HYLS1: variants seen among roughly 807,000 people sequenced by gnomAD.
HYLS1 encodes centriolar and ciliogenesis-associated protein HYLS1.
Under a neutral mutation model 29.4 loss-of-function variants are expected in HYLS1, and 25 were observed. The observed-to-expected ratio is 0.85, with a 90% CI of 0.62 to 1.19. The LOEUF is 1.19. Ranked by LOEUF, HYLS1 falls within the 50% of genes most tolerant of loss-of-function variation. The pLI, the probability that HYLS1 is intolerant of heterozygous loss-of-function variation, is 0.00. For missense variants in HYLS1, 352 were observed against 365.1 expected, an observed-to-expected ratio of 0.96 and a Z score of 0.29; for synonymous variants, 128 against 126.7, an observed-to-expected ratio of 1.01 and a Z score of -0.07.
At position 125,900,113 on chromosome 11, in the gene HYLS1, G is replaced by A; in HGVS notation, c.745G>A (p.Ala249Thr). 6.2e-7 allele frequency: 1 copy of A among 1,614,162 alleles called. No homozygotes were observed. Among genetic ancestry groups the A allele is most frequent in the Non-Finnish European group, 8.5e-7 (1 of 1,180,046 alleles). The change falls in exon 3 of 3, where the codon GCA becomes ACA. Residue 249 changes from alanine to threonine, a missense_variant. Physicochemically the swap from Ala to Thr is moderately conservative, Grantham distance 58. Transcript: ENST00000425380. ...WGVREQMLCR[A>T]EPQSKPQHIY... Reference sequence around the variant, plus strand: ...TGTCCGAGAGCAGATGCTTTGTCGAGCAGAACCCCAATCCAAACCTCAGCA... The same window carrying A: ...TGTCCGAGAGCAGATGCTTTGTCGAACAGAACCCCAATCCAAACCTCAGCA...
At chr11:125,893,291 G>T (rs148177516) in intron 2 of HYLS1, among the ~76,000 whole-genome samples, 3,253 of 152,236 alleles carry the variant, frequency 0.021, 111 homozygotes, top group African/African-American at 0.071. Flanking sequence ...TGTAAGATAA[G>T]GTACTGTGCT....
intron 1 of HYLS1, among the ~76,000 whole-genome samples, chr11:125,888,975 T>C (rs1048880813): frequency 6.6e-6 from 1 of 152,148 alleles, no homozygotes; most frequent in African/African-American, 2.4e-5. Context: ...ATTTCATCAG[T>C]CACAGATAAC....
chr11:125,886,043 A>T (rs981615434), upstream of HYLS1, among the ~76,000 whole-genome samples: 2 of 151,880 alleles, frequency 1.3e-5, no homozygotes, highest in African/African-American at 2.4e-5. Flanking sequence ...TAATAGAAAT[A>T]AAGTGCACAA....
intron 1 of HYLS1, among the ~76,000 whole-genome samples, chr11:125,889,996 T>TGGCCAGATCATAGCTCAGTGCAGC (rs1944382275): frequency 6.6e-6 from 1 of 152,214 alleles, no homozygotes; most frequent in African/African-American, 2.4e-5. Flanking sequence ...TGGAGTGCAG[T>TGGCCAGATCATAGCTCAGTGCAGC]GGCCAGATCA....
upstream of HYLS1, among the ~76,000 whole-genome samples, chr11:125,886,697 G>A (rs1003085328): frequency 5.9e-5 from 9 of 151,376 alleles, no homozygotes; most frequent in East Asian, 1.6e-3. Flanking sequence ...AGAGCTTTGG[G>A]AGGCCGAGGG....
intron 2 of HYLS1, chr11:125,893,522 G>T: frequency 3.2e-6 from 1 of 309,532 alleles, no homozygotes; most frequent in Non-Finnish European, 5.9e-6. Flanking sequence ...TTGAATACAA[G>T]GCACAGGTTT....
intron 2 of HYLS1, chr11:125,895,185 C>A: frequency 6.7e-7 from 1 of 1,497,500 alleles, no homozygotes. Flanking sequence ...GTAGCTGGGA[C>A]TACAGGCATG....
upstream of HYLS1, among the ~76,000 whole-genome samples, chr11:125,884,471 C>A (rs1242930441): frequency 6.6e-6 from 1 of 151,786 alleles, no homozygotes. Flanking sequence ...TAGCCGGGTG[C>A]GGTGGCGGGT....
chr11:125,896,040 T>G (rs756764206), intron 2 of HYLS1: 60 of 1,614,116 alleles, frequency 3.7e-5, no homozygotes. Flanking sequence ...TGTGTTTTCC[T>G]GACTAGCAAA....
At chr11:125,887,629 C>G (rs1004031155), upstream of HYLS1, 3 of 152,350 alleles carry the variant, frequency 2.0e-5, no homozygotes, top group Non-Finnish European at 1.5e-5. Context: ...TAAACCTCAG[C>G]GGTCGGCGGT....
chr11:125,891,124 G>A (rs959805229), intron 1 of HYLS1, among the ~76,000 whole-genome samples: 1 of 152,180 alleles, frequency 6.6e-6, no homozygotes, highest in Non-Finnish European at 1.5e-5. Context: ...TGCTGTCTAA[G>A]AGAGCAAGTA....
At chr11:125,896,437 T>C in intron 2 of HYLS1, 1 of 784,456 alleles carries the variant, frequency 1.3e-6, no homozygotes, top group African/African-American at 1.7e-5. Context: ...ACTTTTGCTT[T>C]TCCAGGAATA....
rs897268780 is a variant in HYLS1, at chr11:125,895,151, A to G, written c.-26+3679A>G. The G allele has an allele frequency of 2.6e-5, 33 of 1,273,812 alleles. No individual in the cohort carries two copies. In the South Asian group the frequency reaches 4.9e-4, roughly 19 times the overall value. The allele number at this position is 1,273,812 out of a possible 1,614,324, so 78.9% of individuals were successfully genotyped here. A position where few individuals can be genotyped will look rare whatever the true frequency, so the allele number is the denominator to read the frequency against. ...AACCTCCGCCTCCTGGCTTCAAGCAATTCTTGTGCCTCAAGCGTCCCGAGT... is the reference window on the plus strand; with the variant it reads ...AACCTCCGCCTCCTGGCTTCAAGCAGTTCTTGTGCCTCAAGCGTCCCGAGT... On this transcript the variant is annotated intron_variant, in intron 2 of 2. Transcript: ENST00000425380.
rs1166804833 is a variant in HYLS1, at chr11:125,899,376, AACT to A, written c.9_11del (p.Glu3_Leu4delinsAsp). Reference sequence around the variant, plus strand: ...TACAGTGTAGGGGAAGCAATGGAAGAACTTCTACCTGATGGACAAATATGGGCT... The same window carrying A: ...TACAGTGTAGGGGAAGCAATGGAAGATCTACCTGATGGACAAATATGGGCT... On this transcript the variant is annotated inframe_deletion, in exon 3 of 3. Coordinates refer to ENST00000425380, the MANE Select transcript of HYLS1 (RefSeq NM_001134793.2). 1 of 1,614,130 alleles carries A rather than the reference AACT, an allele frequency of 6.2e-7. No individual in the cohort carries two copies. The highest frequency in any genetic ancestry group is 1.7e-5 in the Admixed American group (1 of 60,028).
At chr11:125,891,533 C>T (rs1345219333) in intron 2 of HYLS1, 61 bp downstream of exon 2, 3 of 140,214 alleles carry the variant, frequency 2.1e-5, no homozygotes, top group Admixed American at 1.5e-4. Flanking sequence ...TAAGTTATTC[C>T]ACCATGATCA....
At chr11:125,883,694 C>T (rs583355), upstream of HYLS1, 127,994 of 152,198 alleles carry the variant, frequency 0.84, 54,307 homozygotes, top group East Asian at 1. Context: ...GCCAACATGG[C>T]GAAACCCTGT....
intron 2 of HYLS1, chr11:125,895,679 A>C (rs1452432184): frequency 1.2e-6 from 2 of 1,613,914 alleles, no homozygotes; most frequent in African/African-American, 2.7e-5. Flanking sequence ...CCCGATTGAG[A>C]ATGTGGGTAT....
At chr11:125,892,494 T>G (rs1169983742) in intron 2 of HYLS1, among the ~76,000 whole-genome samples, 1 of 152,222 alleles carries the variant, frequency 6.6e-6, no homozygotes, top group Non-Finnish European at 1.5e-5. Flanking sequence ...AAGCTCTATC[T>G]CATTTTTCCT....
At chr11:125,886,028 TATA>T (rs764680760), upstream of HYLS1, among the ~76,000 whole-genome samples, 36 of 151,706 alleles carry the variant, frequency 2.4e-4, no homozygotes, top group Non-Finnish European at 4.3e-4. Flanking sequence ...TATGTTACAA[TATA>T]ATAATAGAAA....
Sources: gnomAD v4.1 joint callset for allele counts (sites outside exome capture counted in the v4.1 genomes callset) on GRCh38, gnomAD v4.1.1 for gene constraint, MANE v1.5 for transcripts, NCBI Gene and HGNC (gene_info 2026-07-23, HGNC 2026-07-21) for gene names.